TOMM70: variants seen among roughly 807,000 people sequenced by gnomAD.
TOMM70 encodes mitochondrial import receptor subunit TOM70.
In TOMM70, 13 loss-of-function variants were observed where a neutral mutation model predicts 73.6. That is an observed-to-expected ratio of 0.18 (90% CI 0.11 to 0.28). The LOEUF is 0.28. Among genes scored for constraint, TOMM70 ranks in the 10% least tolerant of loss-of-function variants. The pLI is 1.00. For missense variants in TOMM70, 609 were observed against 747.5 expected, an observed-to-expected ratio of 0.81 and a Z score of 2.16; for synonymous variants, 257 against 271.2, an observed-to-expected ratio of 0.95 and a Z score of 0.51.
intron 3 of TOMM70, among the ~76,000 whole-genome samples, chr3:100,385,975 G>A (rs1488831905): frequency 6.6e-6 from 1 of 152,104 alleles, no homozygotes; most frequent in Non-Finnish European, 1.5e-5. Context: ...TAGCTGCTAA[G>A]TTTAAAATGT....
In TOMM70 at chr3:100,365,685, T is replaced by C. The variant is rs1706441545; in HGVS notation, c.1706A>G (p.Asn569Ser). ...CGATTTGGCCAGGTTAATAGCTTTG[T>C]TGAACATGTCAATGGCTTTCTCCAT... ...GNMEKAIDMF[N>S]KAINLAKSEM... Residue 569 changes from asparagine to serine, a missense_variant, in exon 12 of 12, where the codon AAC becomes AGC. Transcript: ENST00000284320. The C allele has an allele frequency of 5.6e-6, 9 of 1,614,226 alleles. No homozygotes were observed. The highest frequency in any genetic ancestry group is 1.3e-5 in the African/African-American group (1 of 75,058).
At position 100,366,196 on chromosome 3, in the gene TOMM70, G is replaced by A. The variant is rs141507364; in HGVS notation, c.1674-479C>T. ...GACTGATGTGGGCCCACCTCTTTCT[G>A]TTTCATCTCTTACCAGCACATCCCC... On this transcript the variant is annotated intron_variant, in intron 11 of 11. Coordinates refer to ENST00000284320, the MANE Select transcript of TOMM70 (RefSeq NM_014820.5). Among the ~76,000 whole-genome samples, 308 of 152,240 alleles carry A rather than the reference G, an allele frequency of 2.0e-3. 4 individuals are homozygous for A. The highest frequency in any genetic ancestry group is 7.1e-3 in the African/African-American group (295 of 41,564).
At position 100,368,169 on chromosome 3, in the gene TOMM70, G is replaced by A. The variant is rs774687936; in HGVS notation, c.1551-3C>T. ...GCTTCCACTGAAGTTGAAGTAAACT[G>A]CAAATGCAAAAAAATGTCAGATGTG... On this transcript the variant is annotated splice_polypyrimidine_tract_variant and splice_region_variant and intron_variant, in intron 10 of 11. Coordinates refer to ENST00000284320, the MANE Select transcript of TOMM70 (RefSeq NM_014820.5). The A allele has an allele frequency of 3.7e-6, 6 of 1,608,316 alleles. No individual in the cohort carries two copies.
rs531114206 is a variant in TOMM70 at position 100,377,972 on chromosome 3, T to G, written c.885-60A>C. On this transcript the variant is annotated intron_variant, in intron 5 of 11. Coordinates refer to ENST00000284320, the MANE Select transcript of TOMM70 (RefSeq NM_014820.5). ...TAAGAAAAAATTAAATGTGGCTGGG[T>G]GTGGTGGCTCACGCCTGTAATCCCA... The G allele has an allele frequency of 5.4e-6, 8 of 1,484,526 alleles. No homozygotes were observed. The South Asian group carries it at 9.4e-5, about 17-fold the overall frequency. 92.0% of individuals were successfully genotyped at this position (1,484,526 alleles called of 1,614,324 possible).
chr3:100,387,340 G>A (rs764821151), intron 1 of TOMM70, among the ~76,000 whole-genome samples: 2 of 152,008 alleles, frequency 1.3e-5, no homozygotes, highest in African/African-American at 2.4e-5. Context: ...CCGACTACCC[G>A]GGTGGCTGAG....
intron 1 of TOMM70, among the ~76,000 whole-genome samples, chr3:100,394,383 T>TA (rs1706797850): frequency 6.6e-6 from 1 of 151,730 alleles, no homozygotes; most frequent in Admixed American, 6.6e-5. Context: ...TTTTTTGAGA[T>TA]AGAGTTTTGC....
intron 2 of TOMM70, 124 bp downstream of exon 2, chr3:100,386,678 GAAC>G: frequency 3.4e-6 from 4 of 1,181,092 alleles, no homozygotes; most frequent in East Asian, 2.6e-5. Flanking sequence ...ATGGAAATAA[GAAC>G]AACATCCCAT....
At chr3:100,379,333 G>A (rs959633952) in intron 5 of TOMM70, among the ~76,000 whole-genome samples, 3 of 152,142 alleles carry the variant, frequency 2.0e-5, no homozygotes, top group Non-Finnish European at 2.9e-5. Context: ...TGACTTAAAA[G>A]TTACGTCAGG....
At chr3:100,395,008 C>T (rs991047536) in intron 1 of TOMM70, among the ~76,000 whole-genome samples, 8 of 152,146 alleles carry the variant, frequency 5.3e-5, no homozygotes, top group Non-Finnish European at 8.8e-5. Context: ...ATAATGACTG[C>T]TTCTGCAGGA....
At chr3:100,391,014 G>A (rs535011623) in intron 1 of TOMM70, among the ~76,000 whole-genome samples, 37 of 151,990 alleles carry the variant, frequency 2.4e-4, no homozygotes, top group South Asian at 1.5e-3. Flanking sequence ...GGTGGTGGGC[G>A]CCTGTAGTCC....
At chr3:100,367,594 T>A (rs1469092192) in intron 11 of TOMM70, among the ~76,000 whole-genome samples, 5 of 152,214 alleles carry the variant, frequency 3.3e-5, no homozygotes, top group African/African-American at 1.2e-4. Context: ...AGTTTAATAC[T>A]TGGCCTAAAG....
In TOMM70 at chr3:100,369,155, A is replaced by C; in HGVS notation, c.1453-20T>G. ...TAATGCCTATGTGAGGAGATACTTC[A>C]GTTATATTAAGGTAACCGTCAACCT... On this transcript the variant is annotated intron_variant, in intron 9 of 11. Coordinates refer to ENST00000284320, the MANE Select transcript of TOMM70 (RefSeq NM_014820.5). 1.3e-6 allele frequency: 2 copies of C among 1,548,746 alleles called. No homozygotes were observed. Among genetic ancestry groups the C allele is most frequent in the Non-Finnish European group, 8.9e-7 (1 of 1,122,432 alleles).
rs1487711694 is a variant in TOMM70, at chr3:100,363,714, A to T, written c.*1850T>A. The T allele has an allele frequency of 6.6e-6, 1 of 152,648 alleles. No homozygotes were observed. The highest frequency in any genetic ancestry group is 1.5e-5 in the Non-Finnish European group (1 of 68,038). 9.5% of individuals were successfully genotyped at this position (152,648 alleles called of 1,614,324 possible). On this transcript the variant is annotated 3_prime_UTR_variant, in exon 12 of 12. Coordinates refer to ENST00000284320, the MANE Select transcript of TOMM70 (RefSeq NM_014820.5). ...AATGTAAATACAGCCATGCAAATAA[A>T]AACTTTTTTAAAGTCAGAGGTCATT...
intron 8 of TOMM70, 143 bp downstream of exon 8, chr3:100,373,395 T>G: frequency 1.7e-6 from 1 of 581,702 alleles, no homozygotes. Flanking sequence ...GAGCTAGGTA[T>G]CAATCAGCAC....
chr3:100,373,688 G>T, intron 7 of TOMM70, 43 bp from the exon 8 acceptor site: 1 of 612,838 alleles, frequency 1.6e-6, no homozygotes, highest in Non-Finnish European at 2.4e-6. Context: ...AACTAGTCCA[G>T]TTAAGTATGT....
At chr3:100,379,294 G>A (rs1316793890) in intron 5 of TOMM70, among the ~76,000 whole-genome samples, 1 of 152,114 alleles carries the variant, frequency 6.6e-6, no homozygotes, top group Admixed American at 6.5e-5. Context: ...TATTTCAGTT[G>A]TTATATCTGT....
chr3:100,395,379 C>CA (rs917255111), intron 1 of TOMM70, among the ~76,000 whole-genome samples: 12 of 150,280 alleles, frequency 8.0e-5, no homozygotes, highest in African/African-American at 2.2e-4. Context: ...AAAAAACAAA[C>CA]AAAAAAACCC....
At chr3:100,374,660 A>G (rs1285428176) in intron 7 of TOMM70, among the ~76,000 whole-genome samples, 1 of 152,198 alleles carries the variant, frequency 6.6e-6, no homozygotes, top group Admixed American at 6.5e-5. Context: ...TATAGCAAGA[A>G]GCTCACAAAA....
Position 100,381,716 on chromosome 3 carries a change from G to A in TOMM70, c.783C>T (p.Phe261=). ...AAATGATATCATCCGTGAAAGAACT[G>A]AAGTAAGATTTGATAAACTGTGGAG... ...MPSPQFIKSY[F]SSFTDDIISQ... is the part of the protein sequence containing the mutation. Residue 261 remains phenylalanine (F), a synonymous_variant, in exon 5 of 12, where the codon TTC becomes TTT. Coordinates refer to ENST00000284320, the MANE Select transcript of TOMM70 (RefSeq NM_014820.5). The A allele has an allele frequency of 6.2e-7, 1 of 1,612,106 alleles. No individual in the cohort carries two copies. Among genetic ancestry groups the A allele is most frequent in the East Asian group, 2.2e-5 (1 of 44,794 alleles).
Sources: gnomAD v4.1 joint callset for allele counts (sites outside exome capture counted in the v4.1 genomes callset) on GRCh38, gnomAD v4.1.1 for gene constraint, MANE v1.5 for transcripts, NCBI Gene and HGNC (gene_info 2026-07-23, HGNC 2026-07-21) for gene names.